IAH1: variants seen among roughly 807,000 people sequenced by gnomAD.
IAH1 encodes the protein isoamyl acetate hydrolyzing esterase 1 (putative), also known as isoamyl acetate-hydrolyzing esterase 1 homolog.
In IAH1, 24 loss-of-function variants were observed where a neutral mutation model predicts 26.7. The ratio of observed to expected loss-of-function variants is 0.90; its 90% CI spans 0.65 to 1.26. The LOEUF (loss-of-function observed/expected upper bound fraction) is 1.26, where lower values mean the gene tolerates loss of function less well. IAH1 is among the 50% of genes most tolerant of loss of function. IAH1 has a pLI of 0.00. For missense variants in IAH1, 300 were observed against 299.9 expected (o/e 1.00, Z 0.00); for synonymous variants, 140 against 118.5 (o/e 1.18, Z -1.18).
intron 3 of IAH1, among the ~76,000 whole-genome samples, chr2:9,479,607 G>A (rs1001804148): frequency 1.3e-5 from 2 of 152,106 alleles, no homozygotes; most frequent in Admixed American, 6.6e-5. Context: ...ATATGAAGCA[G>A]TAATACTTAC....
intron 4 of IAH1, among the ~76,000 whole-genome samples, chr2:9,483,201 CA>C (rs969816402): frequency 5.9e-5 from 9 of 152,266 alleles, no homozygotes; most frequent in Non-Finnish European, 1.0e-4. Context: ...ATGGGCAAAG[CA>C]GGTAGAGGAG....
the IAH1 span, chr2:9,512,365 TA>T: frequency 3.9e-5 from 6 of 152,152 alleles, no homozygotes; most frequent in African/African-American, 1.4e-4. Flanking sequence ...ATCAAGCCAT[TA>T]AGAAGTTGTG....
the IAH1 span, among the ~76,000 whole-genome samples, chr2:9,510,791 C>G: frequency 6.6e-6 from 1 of 152,090 alleles, no homozygotes; most frequent in Non-Finnish European, 1.5e-5. Flanking sequence ...ATGATCACAC[C>G]ACTGCACTCC....
the IAH1 span, among the ~76,000 whole-genome samples, chr2:9,506,515 T>C: frequency 6.6e-6 from 1 of 151,954 alleles, no homozygotes; most frequent in Non-Finnish European, 1.5e-5. Context: ...TACAGGTGCA[T>C]GCCACCACGC....
chr2:9,506,533 A>G, the IAH1 span, among the ~76,000 whole-genome samples: 1 of 151,686 alleles, frequency 6.6e-6, no homozygotes, highest in Non-Finnish European at 1.5e-5. Context: ...CGCCCAGCTA[A>G]TTTTTGTATT....
downstream of IAH1, among the ~76,000 whole-genome samples, chr2:9,491,787 T>C (rs985620851): frequency 5.9e-5 from 9 of 152,198 alleles, no homozygotes; most frequent in East Asian, 1.2e-3. Flanking sequence ...CTGGGTGCCA[T>C]CAATGCATTC....
intron 5 of IAH1, chr2:9,484,804 C>T (rs1293612702): frequency 2.5e-6 from 1 of 395,806 alleles, no homozygotes; most frequent in African/African-American, 2.0e-5. Flanking sequence ...ACACATGGCT[C>T]ATATTTATGA....
downstream of IAH1, chr2:9,491,249 T>C: frequency 4.5e-6 from 5 of 1,122,678 alleles, no homozygotes; most frequent in Middle Eastern, 2.1e-4. Flanking sequence ...CTGAAGAACT[T>C]AGAACCTGAG....
chr2:9,474,538 GGCCCCGCCCC>G (rs561437641), upstream of IAH1: 12 of 1,293,652 alleles, frequency 9.3e-6, no homozygotes, highest in African/African-American at 6.5e-5. The surrounding 1 kb of genome is among the most constrained non-coding windows in gnomAD (Gnocchi z 4.3). Context: ...CGTGGCTGGC[GGCCCCGCCCC>G]GCCCCGCCCG....
chr2:9,497,760 T>C (rs897044816), downstream of IAH1, among the ~76,000 whole-genome samples: 9 of 152,192 alleles, frequency 5.9e-5, no homozygotes, highest in Admixed American at 1.3e-4. Context: ...GCTTTTCTTA[T>C]GGATTAAGTT....
intron 2 of IAH1, among the ~76,000 whole-genome samples, chr2:9,477,328 T>C (rs1363335475): frequency 6.6e-6 from 1 of 152,122 alleles, no homozygotes; most frequent in Non-Finnish European, 1.5e-5. Flanking sequence ...AAATGAACCA[T>C]ATTGATTTAC....
the IAH1 span, among the ~76,000 whole-genome samples, chr2:9,502,879 CAAAAAAA>C: frequency 9.2e-5 from 4 of 43,594 alleles, no homozygotes; most frequent in East Asian, 7.6e-4. Context: ...AATTCTGTCT[CAAAAAAA>C]AAAAAAAAAA....
the IAH1 span, chr2:9,505,196 T>C: frequency 6.2e-7 from 1 of 1,614,222 alleles, no homozygotes; most frequent in South Asian, 1.1e-5. Flanking sequence ...CAACGTGCAG[T>C]CGCTGTTGCA....
the IAH1 span, chr2:9,509,997 G>C: frequency 6.2e-7 from 1 of 1,613,742 alleles, no homozygotes; most frequent in Admixed American, 1.7e-5. Flanking sequence ...TCTCGTGATC[G>C]CCACTCACAG....
At chr2:9,483,154 G>C (rs1303459960) in intron 4 of IAH1, among the ~76,000 whole-genome samples, 1 of 152,194 alleles carries the variant, frequency 6.6e-6, no homozygotes, top group African/African-American at 2.4e-5. Context: ...TTCTAGCCTT[G>C]AATGTAGCCC....
At position 9,474,934 on chromosome 2, in the gene IAH1, G is replaced by A. The variant is rs1682389562; in HGVS notation, c.81+287G>A. The A allele has an allele frequency of 1.2e-6, 1 of 867,824 alleles. No individual in the cohort carries two copies. The highest frequency in any genetic ancestry group is 1.4e-6 in the Non-Finnish European group (1 of 692,344). The allele number at this position is 867,824 out of a possible 1,614,324, so 53.8% of individuals were successfully genotyped here. A position where few individuals can be genotyped will look rare whatever the true frequency, so the allele number is the denominator to read the frequency against. ...CCCCGCGCCGCCTCCCACCCGGGTC[G>A]AGATGCGCGGTCTTCCCCTCAGCGC... is the stretch of plus-strand genomic sequence containing the variant. On this transcript the variant is annotated intron_variant, in intron 1 of 5. Coordinates refer to ENST00000497473, the MANE Select transcript of IAH1 (RefSeq NM_001039613.3). The surrounding 1 kb of genome is among the most constrained non-coding windows in gnomAD (Gnocchi z 4.3).
chr2:9,478,149 C>T (rs1660935462), intron 2 of IAH1, 73 bp from the exon 3 acceptor site: 2 of 1,374,770 alleles, frequency 1.5e-6, no homozygotes, highest in East Asian at 2.5e-5. Flanking sequence ...AGCACACCCT[C>T]ACTAAAGGCC....
At chr2:9,503,406 C>G in the IAH1 span, among the ~76,000 whole-genome samples, 1 of 152,170 alleles carries the variant, frequency 6.6e-6, no homozygotes, top group African/African-American at 2.4e-5. Context: ...CCACACTATT[C>G]CAGTATATAG....
intron 6 of IAH1, among the ~76,000 whole-genome samples, chr2:9,495,624 G>A (rs1662517065): frequency 6.6e-6 from 1 of 150,886 alleles, no homozygotes; most frequent in Admixed American, 6.6e-5. Context: ...TGAGGCACGA[G>A]AATCACTTGA....
Sources: gnomAD v4.1 joint callset for allele counts (sites outside exome capture counted in the v4.1 genomes callset) on GRCh38, gnomAD v4.1.1 for gene constraint, Gnocchi (gnomAD v3.1) non-coding constraint, MANE v1.5 for transcripts, NCBI Gene and HGNC (gene_info 2026-07-23, HGNC 2026-07-21) for gene names.